The following NALF1 variants were observed in gnomAD, a reference collection of about 807,000 sequenced individuals.
NALF1 encodes the protein family with sequence similarity 155 member A.
In NALF1, 3 loss-of-function variants were observed where a neutral mutation model predicts 48.4. That is an observed-to-expected ratio of 0.06 (90% CI 0.03 to 0.16). NALF1 has a LOEUF of 0.16. Among genes scored for constraint, NALF1 ranks in the 10% least tolerant of loss-of-function variants. NALF1 has a pLI of 1.00. For synonymous variants in NALF1, 262 were observed against 245.7 expected (o/e 1.07, Z -0.62); for missense variants, 526 against 571.5 (o/e 0.92, Z 0.81).
At chr13:107,720,510 C>CAAAAAAAA (rs56380251) in intron 1 of NALF1, among the ~76,000 whole-genome samples, 10 of 59,826 alleles carry the variant, frequency 1.7e-4, no homozygotes, top group Admixed American at 2.9e-4. Context: ...GACTGCATCT[C>CAAAAAAAA]AAAAAAAAAA....
chr13:107,559,746 C>T (rs1877589525), intron 1 of NALF1, among the ~76,000 whole-genome samples: 1 of 152,206 alleles, frequency 6.6e-6, no homozygotes, highest in African/African-American at 2.4e-5. Flanking sequence ...TTTGAATGTA[C>T]ACTCACACAC....
At chr13:107,404,796 C>A (rs571473563) in intron 1 of NALF1, among the ~76,000 whole-genome samples, 1 of 152,050 alleles carries the variant, frequency 6.6e-6, no homozygotes, top group South Asian at 2.1e-4. Context: ...GGTGAATAGT[C>A]CAGTTACATG....
At chr13:107,578,818 TCA>T in intron 1 of NALF1, among the ~76,000 whole-genome samples, 1 of 152,282 alleles carries the variant, frequency 6.6e-6, no homozygotes, top group Admixed American at 6.5e-5. Context: ...GTGTTGAAAA[TCA>T]CAGATTCTTA....
intron 1 of NALF1, among the ~76,000 whole-genome samples, chr13:107,843,090 T>C (rs1488129961): frequency 6.6e-6 from 1 of 152,198 alleles, no homozygotes; most frequent in Non-Finnish European, 1.5e-5. Flanking sequence ...CAGCAGACCA[T>C]TAATGAAGAC....
chr13:107,265,932 G>A (rs1254026773), intron 1 of NALF1, among the ~76,000 whole-genome samples: 2 of 152,140 alleles, frequency 1.3e-5, no homozygotes, highest in Admixed American at 6.5e-5. Flanking sequence ...GAAAGGATAT[G>A]ATTTGCGTTT....
At chr13:107,679,250 AT>A (rs962655171) in intron 1 of NALF1, among the ~76,000 whole-genome samples, 3 of 152,146 alleles carry the variant, frequency 2.0e-5, no homozygotes, top group Non-Finnish European at 2.9e-5. Flanking sequence ...GAAAATATGC[AT>A]TTTTTTCACA....
At chr13:107,462,537 G>GT (rs201765394) in intron 1 of NALF1, among the ~76,000 whole-genome samples, 9,996 of 152,220 alleles carry the variant, frequency 0.066, 426 homozygotes, top group Middle Eastern at 0.13. Context: ...GGTGGTGAAG[G>GT]GTCAACTCAG....
intron 1 of NALF1, among the ~76,000 whole-genome samples, chr13:107,254,259 C>T (rs568196015): frequency 2.6e-5 from 4 of 152,112 alleles, no homozygotes; most frequent in East Asian, 1.9e-4. Context: ...TAACTTGCCA[C>T]GGTAACAGCT....
At chr13:107,658,151 G>C (rs1306931870) in intron 1 of NALF1, among the ~76,000 whole-genome samples, 2 of 152,126 alleles carry the variant, frequency 1.3e-5, no homozygotes, top group Admixed American at 1.3e-4. Context: ...ATGTCTCTGG[G>C]TGTGAATTTC....
intron 2 of NALF1, among the ~76,000 whole-genome samples, chr13:107,180,464 T>A (rs1288647982): frequency 6.6e-6 from 1 of 152,030 alleles, no homozygotes; most frequent in Non-Finnish European, 1.5e-5. Flanking sequence ...CAAGAATATA[T>A]GAGACAAAAT....
intron 1 of NALF1, among the ~76,000 whole-genome samples, chr13:107,666,563 G>A (rs954933294): frequency 1.3e-5 from 2 of 152,128 alleles, no homozygotes; most frequent in Non-Finnish European, 2.9e-5. Flanking sequence ...CCAGAACTGT[G>A]TAAGCTGAAC....
chr13:107,415,952 T>G (rs1884077442), intron 1 of NALF1, among the ~76,000 whole-genome samples: 1 of 152,200 alleles, frequency 6.6e-6, no homozygotes, highest in Admixed American at 6.5e-5. Context: ...TCTACAACTA[T>G]ATTTGTCCCT....
chr13:107,436,700 A>G (rs2139022262), intron 1 of NALF1, among the ~76,000 whole-genome samples: 1 of 152,264 alleles, frequency 6.6e-6, no homozygotes. Context: ...CATCACTTTT[A>G]TTTATCATTG....
chr13:107,830,458 G>T (rs1594300081), intron 1 of NALF1, among the ~76,000 whole-genome samples: 1 of 152,144 alleles, frequency 6.6e-6, no homozygotes, highest in East Asian at 1.9e-4. Context: ...GCTATTTTTT[G>T]ATTCTGGGAC....
intron 1 of NALF1, among the ~76,000 whole-genome samples, chr13:107,527,131 G>GA (rs1209352536): frequency 6.6e-6 from 1 of 151,998 alleles, no homozygotes; most frequent in East Asian, 1.9e-4. Context: ...AAGTGGTAAG[G>GA]AAAAAAATAA....
intron 1 of NALF1, among the ~76,000 whole-genome samples, chr13:107,248,850 A>T (rs727496): frequency 0.13 from 19,046 of 151,706 alleles, 1,563 homozygotes; most frequent in East Asian, 0.4. Context: ...AGAAATAGGC[A>T]ATTTCTAAGT....
intron 1 of NALF1, among the ~76,000 whole-genome samples, chr13:107,860,523 G>A (rs1880544889): frequency 6.6e-6 from 1 of 152,210 alleles, no homozygotes; most frequent in East Asian, 1.9e-4. Context: ...CTTAGGGTTG[G>A]GATGCCCTGG....
intron 1 of NALF1, among the ~76,000 whole-genome samples, chr13:107,393,789 T>C (rs1336706903): frequency 6.6e-6 from 1 of 152,182 alleles, no homozygotes; most frequent in Non-Finnish European, 1.5e-5. Flanking sequence ...TCAAGGTGAC[T>C]TGAGAGGACT....
chr13:107,231,199 T>G (rs1880217749), intron 1 of NALF1, among the ~76,000 whole-genome samples: 1 of 152,122 alleles, frequency 6.6e-6, no homozygotes, highest in Non-Finnish European at 1.5e-5. Context: ...AAATATAGGT[T>G]TTGTAAAAAT....
Sources: gnomAD v4.1 joint callset for allele counts (sites outside exome capture counted in the v4.1 genomes callset) on GRCh38, gnomAD v4.1.1 for gene constraint, MANE v1.5 for transcripts, NCBI Gene and HGNC (gene_info 2026-07-23, HGNC 2026-07-21) for gene names.